HSF2: variants seen among roughly 807,000 people sequenced by gnomAD.
HSF2 encodes the protein heat shock transcription factor 2, also known as heat shock factor protein 2.
Under a neutral mutation model 65.0 loss-of-function variants are expected in HSF2, and 21 were observed. The observed-to-expected ratio is 0.32, with a 90% CI of 0.23 to 0.47. HSF2 has a LOEUF of 0.47. HSF2 is among the 20% of genes least tolerant of loss of function. The probability of loss-of-function intolerance (pLI) is 1.00; values close to 1 mark genes in which losing one functional copy is unlikely to be tolerated. For missense variants in HSF2, 499 were observed against 628.1 expected (o/e 0.79, Z 2.20); for synonymous variants, 225 against 219.1 (o/e 1.03, Z -0.24).
intron 1 of HSF2, among the ~76,000 whole-genome samples, chr6:122,408,698 C>G (rs1773920514): frequency 6.6e-6 from 1 of 152,110 alleles, no homozygotes; most frequent in African/African-American, 2.4e-5. Flanking sequence ...TTCTTCCTTT[C>G]AGACCTTTAT....
In HSF2 at chr6:122,402,775, C is replaced by T. The variant is rs149242053; in HGVS notation, c.93+2945C>T. On this transcript the variant is annotated intron_variant, in intron 1 of 12. Coordinates refer to ENST00000368455, the MANE Select transcript of HSF2 (RefSeq NM_004506.4). ...ACCATGTTGGCCAGGCAGTCTCAAA[C>T]TCCTGACCTCAAGTGATCCACCCGT... Among the ~76,000 whole-genome samples, 441 of 152,212 alleles carry T rather than the reference C, an allele frequency of 2.9e-3. 4 individuals are homozygous for T. Among genetic ancestry groups the T allele is most frequent in the African/African-American group, 0.01 (418 of 41,532 alleles).
intron 11 of HSF2, among the ~76,000 whole-genome samples, chr6:122,428,520 TGAG>T (rs1774387388): frequency 6.6e-6 from 1 of 152,030 alleles, no homozygotes; most frequent in African/African-American, 2.4e-5. Flanking sequence ...TTGTTTTTAA[TGAG>T]TAGTAAGGAC....
chr6:122,427,085 C>T (rs1268318577), intron 10 of HSF2, among the ~76,000 whole-genome samples: 4 of 151,884 alleles, frequency 2.6e-5, no homozygotes, highest in East Asian at 1.9e-4. Flanking sequence ...TTTCTGTGTG[C>T]GCTTTCCTCC....
At chr6:122,419,067 T>A (rs1478111603) in intron 5 of HSF2, 101 bp from the exon 6 acceptor site, 2 of 629,554 alleles carry the variant, frequency 3.2e-6, no homozygotes, top group Non-Finnish European at 5.7e-6. Flanking sequence ...TTATGAGACT[T>A]AGAGGACAAA....
chr6:122,406,822 C>T (rs539197470), intron 1 of HSF2, among the ~76,000 whole-genome samples: 1 of 151,778 alleles, frequency 6.6e-6, no homozygotes, highest in Non-Finnish European at 1.5e-5. Flanking sequence ...TAAATTTGAC[C>T]ATGCCTAGTC....
At chr6:122,420,010 T>C (rs1260393543) in intron 6 of HSF2, 125 bp from the exon 7 acceptor site, 2 of 795,980 alleles carry the variant, frequency 2.5e-6, no homozygotes, top group Admixed American at 8.0e-5. Context: ...TTATTTATTG[T>C]TACTGAAATT....
chr6:122,415,982 A>C (rs959336101), intron 4 of HSF2, among the ~76,000 whole-genome samples: 2 of 152,202 alleles, frequency 1.3e-5, no homozygotes, highest in African/African-American at 4.8e-5. Context: ...GTACCACTGC[A>C]CTTCAGCCTG....
intron 10 of HSF2, among the ~76,000 whole-genome samples, chr6:122,424,071 G>A (rs45629231): frequency 1.3e-5 from 2 of 152,166 alleles, no homozygotes; most frequent in East Asian, 3.9e-4. Context: ...GACACCTTTT[G>A]ATACTTTGGG....
At chr6:122,425,552 T>C (rs1455748830) in intron 10 of HSF2, among the ~76,000 whole-genome samples, 2 of 152,078 alleles carry the variant, frequency 1.3e-5, no homozygotes, top group African/African-American at 4.8e-5. Context: ...TTAGAAATAA[T>C]TAACACTATT....
rs1178787579 is a variant in HSF2 at position 122,432,499 on chromosome 6, CT to C, written c.*287del. 44 of 327,168 alleles carry C rather than the reference CT, an allele frequency of 1.3e-4. No individual in the cohort carries two copies. Among genetic ancestry groups the C allele is most frequent in the Non-Finnish European group, 1.9e-4 (33 of 177,348 alleles). The allele number at this position is 327,168 out of a possible 1,614,324, so 20.3% of individuals were successfully genotyped here. On this transcript the variant is annotated 3_prime_UTR_variant, in exon 13 of 13. Transcript: ENST00000368455. The stretch of plus-strand genomic sequence containing the variant: ...TCTCCAATTTTGGTAAATTGGATAT[CT>C]TTTTTTTACAAATACGACCATTAAC...
At chr6:122,421,886 A>G (rs1477572560) in intron 7 of HSF2, among the ~76,000 whole-genome samples, 3 of 152,126 alleles carry the variant, frequency 2.0e-5, no homozygotes. Flanking sequence ...TTCCATAGAA[A>G]CATTTTTAGG....
In HSF2 at chr6:122,422,292, C is replaced by T. The variant is rs1380412654; in HGVS notation, c.824C>T (p.Pro275Leu). The T allele has an allele frequency of 1.9e-6, 3 of 1,594,292 alleles. No individual in the cohort carries two copies. Among genetic ancestry groups the T allele is most frequent in the Non-Finnish European group, 2.6e-6 (3 of 1,165,208 alleles). ...ACTAATGAGGATGTTATATCTGATC[C>T]CTCCAAGTAAGGAGTTTGTGAGATA... is the stretch of plus-strand genomic sequence containing the variant. The part of the protein sequence containing the change: ...PETNEDVISD[P>L]SNCSQYPDIV... Residue 275 changes from proline to leucine, a missense_variant, in exon 8 of 13, where the codon CCC (proline) becomes CTC (leucine). Pro to Leu is a moderately conservative substitution (Grantham distance 98, BLOSUM62 -3). Transcript: ENST00000368455.
Position 122,432,199 on chromosome 6 carries a change from T to C in HSF2, c.1590T>C (p.Asp530=), listed in dbSNP as rs1360529559. 5 of 1,613,142 alleles carry C rather than the reference T, an allele frequency of 3.1e-6. No individual in the cohort carries two copies. Among genetic ancestry groups the C allele is most frequent in the Non-Finnish European group, 2.5e-6 (3 of 1,179,210 alleles). Residue 530 remains aspartate (D), a synonymous_variant, in exon 13 of 13, where the codon GAT becomes GAC. Coordinates refer to ENST00000368455, the MANE Select transcript of HSF2 (RefSeq NM_004506.4). ...TTGCTCCTGCACCTCTGGATAGTGATATGCCACTTTTAGATAGCTAAATCC... is the reference window on the plus strand; with the variant it reads ...TTGCTCCTGCACCTCTGGATAGTGACATGCCACTTTTAGATAGCTAAATCC... The part of the protein sequence containing the change: ...CELAPAPLDS[D]MPLLDS
intron 4 of HSF2, among the ~76,000 whole-genome samples, chr6:122,415,899 C>T (rs1009706216): frequency 3.3e-5 from 5 of 152,100 alleles, no homozygotes; most frequent in African/African-American, 4.8e-5. Context: ...TGCCTGTAAT[C>T]CCAGCTACTT....
intron 1 of HSF2, among the ~76,000 whole-genome samples, chr6:122,407,213 C>T (rs1157915145): frequency 6.6e-6 from 1 of 152,188 alleles, no homozygotes; most frequent in Non-Finnish European, 1.5e-5. Context: ...AACTGTGTCA[C>T]ATGCTGTTAG....
chr6:122,420,106 A>G (rs764990151), intron 6 of HSF2, 29 bp from the exon 7 acceptor site: 9 of 1,584,846 alleles, frequency 5.7e-6, no homozygotes, highest in South Asian at 3.5e-5. Flanking sequence ...TGTTTGCTTC[A>G]CTGAACTGCA....
intron 1 of HSF2, among the ~76,000 whole-genome samples, chr6:122,405,819 A>G (rs1773857382): frequency 6.6e-6 from 1 of 152,206 alleles, no homozygotes; most frequent in South Asian, 2.1e-4. Flanking sequence ...AGCCTAATTT[A>G]CTATTTGTCC....
chr6:122,411,603 T>A (rs541552298), intron 1 of HSF2, among the ~76,000 whole-genome samples: 3 of 151,966 alleles, frequency 2.0e-5, no homozygotes, highest in Non-Finnish European at 2.9e-5. Context: ...TTAGTTTTTA[T>A]ATATGTTATC....
rs1026876790 is a variant in HSF2, at chr6:122,422,928, T to G, written c.1041T>G (p.Ile347Met). The part of the protein sequence containing the change: ...SEDPVTMMDS[I>M]LNDNINLLGK... The stretch of plus-strand genomic sequence containing the variant: ...ATCCAGTGACCATGATGGATTCCAT[T>G]TTGAATGATAACATCAATCTTTTGG... Residue 347 changes from isoleucine (I) to methionine (M), a missense_variant, in exon 9 of 13, where the codon ATT (isoleucine) becomes ATG (methionine). Transcript: ENST00000368455. 6.2e-7 allele frequency: 1 copy of G among 1,613,572 alleles called. No individual in the cohort carries two copies. Among genetic ancestry groups the G allele is most frequent in the Non-Finnish European group, 8.5e-7 (1 of 1,179,638 alleles).
Sources: allele counts gnomAD v4.1 joint callset (sites outside exome capture counted in the v4.1 genomes callset), GRCh38; gene constraint gnomAD v4.1.1; transcripts MANE v1.5; gene names NCBI Gene and HGNC (gene_info 2026-07-23, HGNC 2026-07-21).